Variants in MARCHF5 observed in about 807,000 individuals in gnomAD.
MARCHF5 encodes E3 ubiquitin-protein ligase MARCHF5.
In MARCHF5, 5 loss-of-function variants were observed where a neutral mutation model predicts 36.5. The observed-to-expected ratio is 0.14, with a 90% confidence interval of 0.07 to 0.29. MARCHF5 has a LOEUF of 0.29. Ranked by LOEUF, MARCHF5 falls within the 10% of genes least tolerant of loss-of-function variation. MARCHF5 has a pLI of 1.00. For synonymous variants in MARCHF5, 103 were observed against 109.9 expected, an observed-to-expected ratio of 0.94 and a Z score of 0.39; for missense variants, 179 against 336.3, an observed-to-expected ratio of 0.53 and a Z score of 3.66.
At chr10:92,298,799 G>A (rs1490863360) in intron 1 of MARCHF5, among the ~76,000 whole-genome samples, 1 of 151,936 alleles carries the variant, frequency 6.6e-6, no homozygotes, top group African/African-American at 2.4e-5. Flanking sequence ...CTGAGCTTAA[G>A]TGACCCTCCT....
intron 5 of MARCHF5, chr10:92,350,053 T>C: frequency 2.0e-6 from 1 of 503,336 alleles, no homozygotes; most frequent in South Asian, 2.8e-5. Context: ...TGTAGGTGCT[T>C]TCTCTCCTGG....
chr10:92,291,649 G>C lies in MARCHF5; in HGVS notation c.35+120G>C. 3.6e-6 allele frequency: 5 copies of C among 1,391,840 alleles called. No homozygotes were observed. In the South Asian group the frequency reaches 7.5e-5, roughly 21 times the overall value. 86.2% of individuals were successfully genotyped at this position (1,391,840 alleles called of 1,614,324 possible). A position where few individuals can be genotyped will look rare whatever the true frequency, so the allele number is the denominator to read the frequency against. On this transcript the variant is annotated intron_variant, in intron 1 of 5. Coordinates refer to ENST00000358935, the MANE Select transcript of MARCHF5 (RefSeq NM_017824.5). ...GTGCCGGGAGGAGTTCCACGGCCAG[G>C]GGGCCGTGAGAGGGGCAAAAAGTTT...
At chr10:92,338,191 A>G (rs1158807413) in intron 2 of MARCHF5, among the ~76,000 whole-genome samples, 1 of 152,074 alleles carries the variant, frequency 6.6e-6, no homozygotes, top group Non-Finnish European at 1.5e-5. Context: ...CCTGTCTCAA[A>G]AAAAAAATCG....
At chr10:92,350,964 C>T in intron 5 of MARCHF5, 127 bp from the exon 6 acceptor site, 1 of 619,330 alleles carries the variant, frequency 1.6e-6, no homozygotes, top group South Asian at 2.1e-5. Flanking sequence ...AAAACTGTTT[C>T]ATTTGCAGTC....
At chr10:92,340,610 CAAACAAGTCATTTT>C in intron 2 of MARCHF5, 49 bp from the exon 3 acceptor site, 1 of 1,462,316 alleles carries the variant, frequency 6.8e-7, no homozygotes, top group Non-Finnish European at 9.2e-7. Context: ...TAGAAAATAT[CAAACAAGTCATTTT>C]AAAAGTTCAC....
intron 2 of MARCHF5, among the ~76,000 whole-genome samples, chr10:92,338,650 G>A (rs1445285615): frequency 1.3e-5 from 2 of 152,160 alleles, no homozygotes; most frequent in Non-Finnish European, 2.9e-5. Context: ...ACTTTACAAT[G>A]TATAGTCTGT....
chr10:92,343,603 C>T (rs1244379349), intron 3 of MARCHF5, among the ~76,000 whole-genome samples: 1 of 152,150 alleles, frequency 6.6e-6, no homozygotes, highest in Non-Finnish European at 1.5e-5. Context: ...GAGTTTCGCT[C>T]TTGTTGTCCA....
chr10:92,344,885 A>C (rs1843623083), intron 3 of MARCHF5, among the ~76,000 whole-genome samples: 1 of 152,166 alleles, frequency 6.6e-6, no homozygotes, highest in Non-Finnish European at 1.5e-5. Context: ...TGATGCATTT[A>C]ACCCTTGCAA....
intron 2 of MARCHF5, among the ~76,000 whole-genome samples, chr10:92,319,741 G>A (rs191278379): frequency 2.8e-5 from 4 of 142,186 alleles, no homozygotes; most frequent in African/African-American, 7.9e-5. Context: ...TGCAACCTCC[G>A]CCTCCCAGGT....
intron 2 of MARCHF5, 94 bp downstream of exon 2, chr10:92,311,431 G>A: frequency 2.5e-6 from 2 of 811,964 alleles, no homozygotes; most frequent in Admixed American, 3.0e-5. Flanking sequence ...CTTTTTTTTA[G>A]GGTGTGAATT....
rs191251043 is a variant in MARCHF5, at chr10:92,295,740, C to A, written c.35+4211C>A. ...ACTTCTTAATAGCTGAAGTTGAATTCCCTTGTCCTTTGCAAATAACTCACT... is the reference window on the plus strand; with the variant it reads ...ACTTCTTAATAGCTGAAGTTGAATTACCTTGTCCTTTGCAAATAACTCACT... On this transcript the variant is annotated intron_variant, in intron 1 of 5. Coordinates refer to ENST00000358935, the MANE Select transcript of MARCHF5 (RefSeq NM_017824.5). Among the ~76,000 whole-genome samples, 376 of 151,814 alleles carry A rather than the reference C, an allele frequency of 2.5e-3. 1 individual carries two copies. The highest frequency in any genetic ancestry group is 5.8e-3 in the South Asian group (28 of 4,790).
intron 1 of MARCHF5, among the ~76,000 whole-genome samples, chr10:92,309,564 A>G (rs1188822605): frequency 2.0e-5 from 3 of 152,212 alleles, no homozygotes; most frequent in East Asian, 1.9e-4. Context: ...AAAATGATAC[A>G]TTCCATTTCC....
intron 3 of MARCHF5, among the ~76,000 whole-genome samples, chr10:92,346,126 A>G (rs1590668982): frequency 6.6e-6 from 1 of 152,252 alleles, no homozygotes; most frequent in South Asian, 2.1e-4. Context: ...GATTACACAC[A>G]GGTTCACTGA....
chr10:92,311,951 A>G (rs1248833458), intron 2 of MARCHF5, among the ~76,000 whole-genome samples: 1 of 152,216 alleles, frequency 6.6e-6, no homozygotes, highest in Non-Finnish European at 1.5e-5. Context: ...CTTCTTTAGC[A>G]GCAGTATAAC....
intron 3 of MARCHF5, among the ~76,000 whole-genome samples, chr10:92,342,870 A>G (rs1843595526): frequency 6.6e-6 from 1 of 152,218 alleles, no homozygotes; most frequent in Non-Finnish European, 1.5e-5. Flanking sequence ...ATTTTACCTA[A>G]TATTCCAGGA....
chr10:92,318,400 T>C (rs1308953366), intron 2 of MARCHF5, among the ~76,000 whole-genome samples: 1 of 140,768 alleles, frequency 7.1e-6, no homozygotes, highest in East Asian at 2.1e-4. Context: ...GACTCCAGCC[T>C]GGGCAACTGG....
At chr10:92,311,042 TAGC>T (rs1428455071) in intron 1 of MARCHF5, 90 bp from the exon 2 acceptor site, 1 of 843,670 alleles carries the variant, frequency 1.2e-6, no homozygotes, top group Non-Finnish European at 1.9e-6. Flanking sequence ...TAATATAACA[TAGC>T]AGGCTCATCC....
At chr10:92,332,666 G>A (rs754045794) in intron 2 of MARCHF5, among the ~76,000 whole-genome samples, 11 of 151,468 alleles carry the variant, frequency 7.3e-5, no homozygotes, top group South Asian at 2.1e-4. Context: ...GATTACAGGC[G>A]CACGCCACCA....
intron 3 of MARCHF5, among the ~76,000 whole-genome samples, chr10:92,342,086 A>C (rs957657570): frequency 3.3e-5 from 5 of 151,018 alleles, no homozygotes; most frequent in African/African-American, 1.2e-4. Context: ...GGTGTAAGCC[A>C]CTGCACCCAG....
Sources: allele counts gnomAD v4.1 joint callset (sites outside exome capture counted in the v4.1 genomes callset), GRCh38; gene constraint gnomAD v4.1.1; transcripts MANE v1.5; gene names NCBI Gene and HGNC (gene_info 2026-07-23, HGNC 2026-07-21).